Variants in C12orf76 observed in about 807,000 individuals in gnomAD.
C12orf76 encodes the protein uncharacterized protein C12orf76.
Under a neutral mutation model 6.8 loss-of-function variants are expected in C12orf76, and 6 were observed. The ratio of observed to expected loss-of-function variants is 0.88; its 90% CI spans 0.48 to 1.73. The LOEUF (loss-of-function observed/expected upper bound fraction) is 1.73. Among genes scored for constraint, C12orf76 ranks in the 40% most tolerant of loss-of-function variants. The pLI, the probability that C12orf76 is intolerant of heterozygous loss-of-function variation, is 0.01. For missense variants in C12orf76, 99 were observed against 98.2 expected, an observed-to-expected ratio of 1.01 and a Z score of -0.03; for synonymous variants, 56 against 43.7, an observed-to-expected ratio of 1.28 and a Z score of -1.11.
chr12:110,042,362 C>A lies in C12orf76; in HGVS notation c.*12G>T, dbSNP rs1414750025. The A allele has an allele frequency of 6.2e-7, 1 of 1,610,892 alleles. No homozygotes were observed. Among genetic ancestry groups the A allele is most frequent in the East Asian group, 2.2e-5 (1 of 44,862 alleles). On this transcript the variant is annotated 3_prime_UTR_variant, in exon 2 of 2. Transcript: ENST00000615315. ...CTATTCCCAAATACTCATTGAAGAA[C>A]TTGTCTGGCTGTCACCGACGCCGAA...
chr12:110,043,065 C>T (rs1431883526), intron 1 of C12orf76, among the ~76,000 whole-genome samples: 1 of 151,098 alleles, frequency 6.6e-6, no homozygotes, highest in Non-Finnish European at 1.5e-5. Flanking sequence ...GAAACTCCAC[C>T]TCAAAAAAAA....
upstream of C12orf76, chr12:110,051,074 C>T (rs754774610): frequency 1.3e-6 from 1 of 780,514 alleles, no homozygotes; most frequent in Admixed American, 1.7e-5. Flanking sequence ...ACGATCTCCT[C>T]TTTCACTTCT....
rs1892335965 is a variant in C12orf76 at position 110,042,348 on chromosome 12, T to C, written c.*26A>G. On this transcript the variant is annotated 3_prime_UTR_variant, in exon 2 of 2. Coordinates refer to ENST00000615315, the MANE Select transcript of C12orf76 (RefSeq NM_001389625.1). ...CAACACAACTTATCCTATTCCCAAA[T>C]ACTCATTGAAGAACTTGTCTGGCTG... is the stretch of plus-strand genomic sequence containing the variant. 1 of 1,599,948 alleles carries C rather than the reference T, an allele frequency of 6.3e-7. No homozygotes were observed. The highest frequency in any genetic ancestry group is 8.6e-7 in the Non-Finnish European group (1 of 1,167,216).
chr12:110,064,986 A>C (rs1398664566), intron 2 of C12orf76, among the ~76,000 whole-genome samples: 2 of 152,176 alleles, frequency 1.3e-5, no homozygotes, highest in Non-Finnish European at 2.9e-5. Flanking sequence ...AACCATGCTT[A>C]TCTTTTGAGA....
At chr12:110,052,536 T>G (rs1050942481), upstream of C12orf76, among the ~76,000 whole-genome samples, 3 of 152,198 alleles carry the variant, frequency 2.0e-5, no homozygotes, top group African/African-American at 7.2e-5. Flanking sequence ...ACGTGCCAAG[T>G]GCTCTACATG....
At chr12:110,062,034 T>G (rs987928073) in intron 2 of C12orf76, among the ~76,000 whole-genome samples, 9 of 151,578 alleles carry the variant, frequency 5.9e-5, no homozygotes, top group African/African-American at 2.2e-4. Flanking sequence ...GAGGCCGAGG[T>G]GGGTGGATCA....
At chr12:110,050,602 C>A (rs990933314), upstream of C12orf76, 1 of 204,200 alleles carries the variant, frequency 4.9e-6, no homozygotes, top group South Asian at 8.4e-5. Flanking sequence ...CTCCCAGCAG[C>A]GCCATGACAG....
At chr12:110,045,375 CAGG>C (rs1401535970) in intron 1 of C12orf76, among the ~76,000 whole-genome samples, 1 of 151,574 alleles carries the variant, frequency 6.6e-6, no homozygotes, top group East Asian at 2.0e-4. Context: ...ATCACAAGAT[CAGG>C]AGATCGAGAC....
upstream of C12orf76, chr12:110,050,979 A>G: frequency 2.7e-6 from 2 of 753,744 alleles, no homozygotes; most frequent in Non-Finnish European, 4.9e-6. Context: ...GGGTCCGTTA[A>G]CACTACCAGG....
chr12:110,071,665 GTCA>G (rs900619327), upstream of C12orf76, among the ~76,000 whole-genome samples: 4 of 151,890 alleles, frequency 2.6e-5, no homozygotes, highest in Admixed American at 6.6e-5. Flanking sequence ...AGTATAGGTT[GTCA>G]TCATCATCAT....
At chr12:110,046,890 AGT>A (rs1424610977) in intron 1 of C12orf76, among the ~76,000 whole-genome samples, 1 of 152,122 alleles carries the variant, frequency 6.6e-6, no homozygotes, top group Non-Finnish European at 1.5e-5. Context: ...AACTTCTTAC[AGT>A]GTTTATCATA....
chr12:110,050,950 T>C, upstream of C12orf76: 1 of 714,280 alleles, frequency 1.4e-6, no homozygotes, highest in Non-Finnish European at 2.6e-6. Context: ...ACCCAATGGC[T>C]ACCTTTGGGT....
upstream of C12orf76, among the ~76,000 whole-genome samples, chr12:110,072,526 C>T (rs866222193): frequency 1.7e-4 from 25 of 150,418 alleles, no homozygotes; most frequent in Admixed American, 9.9e-4. Context: ...AAAATATTCT[C>T]AAATTGATTG....
chr12:110,051,307 T>G (rs902974818), upstream of C12orf76: 2 of 703,740 alleles, frequency 2.8e-6, no homozygotes, highest in Middle Eastern at 2.3e-4. Flanking sequence ...CTCTGCACAA[T>G]GGGAAGCATA....
intron 2 of C12orf76, among the ~76,000 whole-genome samples, chr12:110,061,907 T>TA (rs1247195635): frequency 6.6e-6 from 1 of 152,072 alleles, no homozygotes; most frequent in Non-Finnish European, 1.5e-5. Flanking sequence ...CTCTACCACT[T>TA]ACTGGCTACA....
upstream of C12orf76, among the ~76,000 whole-genome samples, chr12:110,070,610 C>A (rs1478671864): frequency 6.6e-6 from 1 of 152,062 alleles, no homozygotes; most frequent in Admixed American, 6.6e-5. Context: ...GTATGCTGGG[C>A]CCAGGAATGT....
At chr12:110,068,183 A>C (rs1189336620), upstream of C12orf76, among the ~76,000 whole-genome samples, 1 of 151,400 alleles carries the variant, frequency 6.6e-6, no homozygotes, top group Admixed American at 6.6e-5. Context: ...CAGCCTAGGC[A>C]ACAAGAGGGA....
chr12:110,070,604 G>T (rs1377552532), upstream of C12orf76, among the ~76,000 whole-genome samples: 1 of 152,150 alleles, frequency 6.6e-6, no homozygotes, highest in Admixed American at 6.5e-5. Flanking sequence ...GAAATTGTAT[G>T]CTGGGCCCAG....
chr12:110,056,244 C>A (rs1412177676), intron 4 of C12orf76, among the ~76,000 whole-genome samples: 2 of 152,114 alleles, frequency 1.3e-5, no homozygotes, highest in Admixed American at 6.6e-5. Context: ...ACTATCCCGA[C>A]CTTGCTTGGT....
Sources: allele counts gnomAD v4.1 joint callset (sites outside exome capture counted in the v4.1 genomes callset), GRCh38; gene constraint gnomAD v4.1.1; transcripts MANE v1.5; gene names NCBI Gene and HGNC (gene_info 2026-07-23, HGNC 2026-07-21).